The following SLC38A4 variants were observed in gnomAD, a reference collection of about 807,000 sequenced individuals.
The protein encoded by SLC38A4 is sodium-coupled neutral amino acid transporter 4.
A neutral mutation model predicts 63.1 loss-of-function variants in SLC38A4; 20 were observed. That is an observed-to-expected ratio of 0.32 (90% CI 0.22 to 0.46). SLC38A4 has a LOEUF of 0.46. Ranked by LOEUF, SLC38A4 falls within the 20% of genes least tolerant of loss-of-function variation. The probability of loss-of-function intolerance (pLI) is 1.00; values close to 1 mark genes in which losing one functional copy is unlikely to be tolerated. For missense variants in SLC38A4, 526 were observed against 663.6 expected (o/e 0.79, Z 2.28); for synonymous variants, 230 against 225.5 (o/e 1.02, Z -0.18).
At position 46,793,030 on chromosome 12, in the gene SLC38A4, A is replaced by G. The variant is rs775019643; in HGVS notation, c.42T>C (p.Asp14=). ...MELRNVNIEP[D]DESSSGESAP... ...CACTTTCTCCACTGCTGCTCTCATC[A>G]TCTGGTTCGATGTTGACATTTCTCA... The change falls in exon 3 of 17, where the codon GAT becomes GAC. Residue 14 remains aspartate (D), a synonymous_variant. Coordinates refer to ENST00000266579, the MANE Select transcript of SLC38A4 (RefSeq NM_018018.5). 3 of 1,613,206 alleles carry G rather than the reference A, an allele frequency of 1.9e-6. No individual in the cohort carries two copies. Among genetic ancestry groups the G allele is most frequent in the East Asian group, 4.5e-5 (2 of 44,830 alleles).
At chr12:46,768,959 A>G (rs1938355302) in intron 15 of SLC38A4, among the ~76,000 whole-genome samples, 1 of 152,122 alleles carries the variant, frequency 6.6e-6, no homozygotes, top group South Asian at 2.1e-4. Context: ...GGTAAAATCT[A>G]TCTTCCTCTT....
intron 3 of SLC38A4, among the ~76,000 whole-genome samples, chr12:46,792,744 G>A (rs966102756): frequency 6.6e-5 from 10 of 152,120 alleles, no homozygotes; most frequent in African/African-American, 2.4e-4. Flanking sequence ...TGGAGACAAA[G>A]ACATTGTAAC....
At chr12:46,779,028 C>T (rs1407344756) in intron 10 of SLC38A4, among the ~76,000 whole-genome samples, 2 of 151,950 alleles carry the variant, frequency 1.3e-5, no homozygotes, top group Non-Finnish European at 2.9e-5. Context: ...CTCTTTCATG[C>T]CCTTCCATGA....
intron 1 of SLC38A4, among the ~76,000 whole-genome samples, chr12:46,823,088 T>C (rs964493595): frequency 6.6e-6 from 1 of 152,176 alleles, no homozygotes; most frequent in Admixed American, 6.5e-5. Context: ...CATCACCCTG[T>C]AAAAAACAAT....
At chr12:46,792,232 T>G (rs770196143) in intron 3 of SLC38A4, among the ~76,000 whole-genome samples, 7 of 151,956 alleles carry the variant, frequency 4.6e-5, no homozygotes, top group Admixed American at 6.6e-5. Context: ...CACAGTAGAA[T>G]GGGTACAGAA....
chr12:46,767,450 A>G (rs989967608), intron 16 of SLC38A4, among the ~76,000 whole-genome samples: 1 of 152,086 alleles, frequency 6.6e-6, no homozygotes, highest in African/African-American at 2.4e-5. Context: ...CTCATTTCAC[A>G]ATTGGTCAAA....
chr12:46,784,971 A>G (rs755026854), intron 6 of SLC38A4, 133 bp downstream of exon 6: 2 of 820,644 alleles, frequency 2.4e-6, no homozygotes, highest in Non-Finnish European at 4.1e-6. Context: ...ACACTGAGAG[A>G]TCGTGTCACT....
chr12:46,800,094 G>T (rs114765812), intron 2 of SLC38A4, among the ~76,000 whole-genome samples: 4,193 of 152,160 alleles, frequency 0.028, 208 homozygotes, highest in African/African-American at 0.097. Context: ...TCTGCTGTTT[G>T]CCATCTCAGA....
At chr12:46,799,933 T>C (rs914762025) in intron 2 of SLC38A4, among the ~76,000 whole-genome samples, 2 of 152,178 alleles carry the variant, frequency 1.3e-5, no homozygotes, top group Non-Finnish European at 2.9e-5. Flanking sequence ...GAGCAAACTC[T>C]TAAAGCATAA....
At chr12:46,803,823 T>A (rs1263557219) in intron 1 of SLC38A4, 29 bp from the exon 2 acceptor site, 1 of 151,650 alleles carries the variant, frequency 6.6e-6, no homozygotes, top group Non-Finnish European at 1.5e-5. Context: ...AGAAGCTAAG[T>A]CAGTTTACTG....
intron 6 of SLC38A4, 110 bp from the exon 7 acceptor site, chr12:46,784,744 A>G (rs1592181410): frequency 1.3e-6 from 1 of 795,306 alleles, no homozygotes; most frequent in East Asian, 2.7e-5. Flanking sequence ...AACATCATAT[A>G]GAAATTATAA....
At chr12:46,778,812 C>G (rs955030873) in intron 10 of SLC38A4, 36 bp from the exon 11 acceptor site, 2 of 1,585,026 alleles carry the variant, frequency 1.3e-6, no homozygotes, top group Non-Finnish European at 8.6e-7. Context: ...AAAAAATCAG[C>G]TTTTTGAGAA....
Position 46,789,208 on chromosome 12 carries a change from CTT to C in SLC38A4, c.120-592_120-591del, listed in dbSNP as rs71070319. ...GGGCCCTGTAGCTGGTATTTTCTTT[CTT>C]TTTTTTTTTTTGGTACAATCATTTA... On this transcript the variant is annotated intron_variant, in intron 3 of 16. Transcript: ENST00000266579. Among the ~76,000 whole-genome samples the C allele has an allele frequency of 3.3e-3, 462 of 141,744 alleles. 3 individuals are homozygous for C. Among genetic ancestry groups the C allele is most frequent in the African/African-American group, 0.011 (421 of 38,896 alleles). The allele number at this position is 141,744 out of a possible 152,430, so 93.0% of individuals were successfully genotyped here.
At chr12:46,781,080 T>G (rs1938627179) in intron 7 of SLC38A4, among the ~76,000 whole-genome samples, 2 of 152,014 alleles carry the variant, frequency 1.3e-5, no homozygotes, top group African/African-American at 2.4e-5. Context: ...TTCCCCACAT[T>G]GGTTAGTTCT....
At position 46,821,802 on chromosome 12, in the gene SLC38A4, G is replaced by GTTAA. The variant is rs775281160; in HGVS notation, c.-305+4097_-305+4100dup. ...TGGATAGTATGGGCATTTTAACGAT[G>GTTAA]TTAAGTCTTCCATTCCATTAACCCA... On this transcript the variant is annotated intron_variant, in intron 1 of 16. Coordinates refer to ENST00000266579, the MANE Select transcript of SLC38A4 (RefSeq NM_018018.5). 1.1e-4 allele frequency among the ~76,000 whole-genome samples: 17 copies of GTTAA among 152,162 alleles called. No homozygotes were observed. In the South Asian group the frequency reaches 1.2e-3, roughly 11 times the overall value.
intron 1 of SLC38A4, among the ~76,000 whole-genome samples, chr12:46,822,714 G>T (rs7953215): frequency 2.6e-5 from 4 of 151,956 alleles, no homozygotes; most frequent in Non-Finnish European, 4.4e-5. Flanking sequence ...TTCCAGGCAG[G>T]GGACATGGGA....
intron 1 of SLC38A4, among the ~76,000 whole-genome samples, chr12:46,806,736 C>T (rs976241851): frequency 2.0e-5 from 3 of 151,962 alleles, no homozygotes; most frequent in African/African-American, 7.2e-5. Context: ...TCCATTTCAA[C>T]ACCCGTTTCA....
intron 1 of SLC38A4, among the ~76,000 whole-genome samples, chr12:46,814,854 A>C (rs965948869): frequency 2.0e-5 from 3 of 151,882 alleles, no homozygotes; most frequent in Non-Finnish European, 2.9e-5. Flanking sequence ...GCAAGCATGC[A>C]TACATGCTAC....
At chr12:46,826,425 A>G (rs922280156), upstream of SLC38A4, among the ~76,000 whole-genome samples, 1 of 152,230 alleles carries the variant, frequency 6.6e-6, no homozygotes, top group African/African-American at 2.4e-5. Flanking sequence ...GATAATATCT[A>G]TAGTAGCAAT....
Sources: gnomAD v4.1 joint callset for allele counts (sites outside exome capture counted in the v4.1 genomes callset) on GRCh38, gnomAD v4.1.1 for gene constraint, MANE v1.5 for transcripts, NCBI Gene and HGNC (gene_info 2026-07-23, HGNC 2026-07-21) for gene names.